Variants in TRAF3 observed in about 807,000 individuals in gnomAD.
TRAF3 encodes TNF receptor-associated factor 3.
A neutral mutation model predicts 62.3 loss-of-function variants in TRAF3; 13 were observed. That is an observed-to-expected ratio of 0.21 (90% confidence interval 0.14 to 0.33). The LOEUF is 0.33. TRAF3 is among the 10% of genes least tolerant of loss of function. TRAF3 has a pLI of 1.00. For synonymous variants in TRAF3, 269 were observed against 283.4 expected (o/e 0.95, Z 0.51); for missense variants, 440 against 741.8 (o/e 0.59, Z 4.73).
At chr14:102,882,574 T>TG (rs1889130416) in intron 6 of TRAF3, among the ~76,000 whole-genome samples, 3 of 151,914 alleles carry the variant, frequency 2.0e-5, no homozygotes, top group Admixed American at 2.0e-4. Flanking sequence ...TTTGTTTTTT[T>TG]TTTTTTTCAA....
intron 4 of TRAF3, 98 bp from the exon 5 acceptor site, chr14:102,875,526 T>C: frequency 1.0e-6 from 1 of 954,126 alleles, no homozygotes; most frequent in East Asian, 2.6e-5. Context: ...AGTTCCTCTC[T>C]TGTTTTTTTT....
At chr14:102,817,744 A>G (rs1330335585) in intron 1 of TRAF3, among the ~76,000 whole-genome samples, 1 of 152,234 alleles carries the variant, frequency 6.6e-6, no homozygotes, top group Non-Finnish European at 1.5e-5. Context: ...CAAAGTGCTT[A>G]TCCTCAGGGT....
At chr14:102,824,112 A>G (rs1009996023) in intron 1 of TRAF3, among the ~76,000 whole-genome samples, 2 of 152,228 alleles carry the variant, frequency 1.3e-5, no homozygotes, top group African/African-American at 4.8e-5. Flanking sequence ...TCTTGGGAAT[A>G]TACCTAGGTT....
At chr14:102,851,938 C>A (rs1028855914) in intron 2 of TRAF3, among the ~76,000 whole-genome samples, 2 of 151,130 alleles carry the variant, frequency 1.3e-5, no homozygotes, top group African/African-American at 4.9e-5. Context: ...GCCTGTAGTC[C>A]CAGCTGGTTG....
At chr14:102,816,008 A>G (rs1272171087) in intron 1 of TRAF3, among the ~76,000 whole-genome samples, 1 of 152,194 alleles carries the variant, frequency 6.6e-6, no homozygotes, top group African/African-American at 2.4e-5. Context: ...TTCTTTCTCC[A>G]TTGAATGGTC....
chr14:102,844,472 T>C (rs1362427913), intron 2 of TRAF3, among the ~76,000 whole-genome samples: 2 of 152,146 alleles, frequency 1.3e-5, no homozygotes, highest in African/African-American at 4.8e-5. Flanking sequence ...CTGGGTTGTG[T>C]GTTCAGAGAT....
At chr14:102,802,699 G>T (rs1413959169) in intron 1 of TRAF3, among the ~76,000 whole-genome samples, 2 of 151,702 alleles carry the variant, frequency 1.3e-5, no homozygotes, top group East Asian at 3.9e-4. Context: ...TGTGTGGCGG[G>T]CGCCTGTAAT....
At chr14:102,799,222 G>T (rs913542008) in intron 1 of TRAF3, among the ~76,000 whole-genome samples, 1 of 152,170 alleles carries the variant, frequency 6.6e-6, no homozygotes, top group Non-Finnish European at 1.5e-5. Context: ...CTCATGATGG[G>T]TACATTTGGG....
rs765241834 is a variant in TRAF3, at chr14:102,903,187, A to G, written c.961-68A>G. 1.0e-5 allele frequency: 16 copies of G among 1,607,038 alleles called. No individual in the cohort carries two copies. Among genetic ancestry groups the G allele is most frequent in the African/African-American group, 1.3e-5 (1 of 74,750 alleles). On this transcript the variant is annotated intron_variant, in intron 10 of 11. Transcript: ENST00000392745. This position sits in a 1 kb window ranked among gnomAD's most constrained non-coding sequence, Gnocchi z 6.4. ...TCTGCTCCTAGCCTGTCTGTATTTGATGGAAGGTGGTGCAGCATTTTCCGA... is the reference window on the plus strand; with the variant it reads ...TCTGCTCCTAGCCTGTCTGTATTTGGTGGAAGGTGGTGCAGCATTTTCCGA...
intron 1 of TRAF3, among the ~76,000 whole-genome samples, chr14:102,784,429 G>T (rs750146274): frequency 2.6e-4 from 39 of 152,088 alleles, no homozygotes; most frequent in Middle Eastern, 6.8e-3. Flanking sequence ...CACCACGTTG[G>T]CCAGGCTGGT....
At chr14:102,871,767 TA>T (rs2139835025) in intron 3 of TRAF3, 149 bp from the exon 4 acceptor site, 1 of 732,586 alleles carries the variant, frequency 1.4e-6, no homozygotes, top group East Asian at 2.6e-5. Context: ...GCTTCCTATG[TA>T]AAGTGAATCA....
chr14:102,811,455 C>G (rs1899133787), intron 1 of TRAF3, among the ~76,000 whole-genome samples: 1 of 151,170 alleles, frequency 6.6e-6, no homozygotes, highest in Admixed American at 6.6e-5. Context: ...TCCTGAGTAG[C>G]TGGGACATTA....
At chr14:102,820,662 G>C (rs1457304768) in intron 1 of TRAF3, among the ~76,000 whole-genome samples, 1 of 88,920 alleles carries the variant, frequency 1.1e-5, no homozygotes, top group Non-Finnish European at 2.0e-5. Context: ...TTCTTGCTCT[G>C]TCACCCAGGC....
intron 6 of TRAF3, chr14:102,876,769 C>A: frequency 1.9e-6 from 1 of 522,232 alleles, no homozygotes; most frequent in Non-Finnish European, 3.5e-6. Context: ...ACAGGCCTTC[C>A]GCTCAGCTCA....
At chr14:102,896,240 A>G (rs1890001362) in intron 9 of TRAF3, among the ~76,000 whole-genome samples, 1 of 152,146 alleles carries the variant, frequency 6.6e-6, no homozygotes, top group Admixed American at 6.5e-5. Context: ...CAGTGGGCTC[A>G]AAAACGTCCG....
intron 4 of TRAF3, among the ~76,000 whole-genome samples, chr14:102,873,756 G>A (rs1406329408): frequency 1.4e-5 from 2 of 143,228 alleles, no homozygotes; most frequent in African/African-American, 5.3e-5. Context: ...CTCAAGTCAT[G>A]ACCTTCTTTT....
chr14:102,899,656 C>T (rs10137111), intron 10 of TRAF3, among the ~76,000 whole-genome samples: 4,081 of 152,248 alleles, frequency 0.027, 183 homozygotes, highest in African/African-American at 0.094. Flanking sequence ...TGAGGGCACA[C>T]GTCACTTGGG....
chr14:102,893,708 C>T (rs1889850575), intron 9 of TRAF3, among the ~76,000 whole-genome samples: 1 of 152,238 alleles, frequency 6.6e-6, no homozygotes, highest in South Asian at 2.1e-4. Context: ...ACGATGGAAG[C>T]CCCGAGAGTG....
intron 1 of TRAF3, among the ~76,000 whole-genome samples, chr14:102,788,575 G>C (rs571617116): frequency 6.6e-6 from 1 of 152,078 alleles, no homozygotes; most frequent in Non-Finnish European, 1.5e-5. Flanking sequence ...TGAGGCGGGC[G>C]GATCATGAGG....
Sources: allele counts gnomAD v4.1 joint callset (sites outside exome capture counted in the v4.1 genomes callset), GRCh38; gene constraint gnomAD v4.1.1; non-coding constraint Gnocchi (gnomAD v3.1); transcripts MANE v1.5; gene names NCBI Gene and HGNC (gene_info 2026-07-23, HGNC 2026-07-21).